Variants in ERBIN observed in about 807,000 individuals in gnomAD.
ERBIN encodes the protein densin-180-like protein.
In ERBIN, 60 loss-of-function variants were observed where a neutral mutation model predicts 158.4. The observed-to-expected ratio is 0.38, with a 90% confidence interval of 0.31 to 0.47. ERBIN has a LOEUF of 0.47. ERBIN is among the 20% of genes least tolerant of loss of function. The pLI, the probability that ERBIN is intolerant of heterozygous loss-of-function variation, is 0.99. For missense variants in ERBIN, 1,610 were observed against 1,648.0 expected, an observed-to-expected ratio of 0.98 and a Z score of 0.40; for synonymous variants, 594 against 557.2, an observed-to-expected ratio of 1.07 and a Z score of -0.93.
intron 1 of ERBIN, among the ~76,000 whole-genome samples, chr5:65,952,033 T>C (rs1333110961): frequency 6.6e-6 from 1 of 152,206 alleles, no homozygotes; most frequent in East Asian, 1.9e-4. Flanking sequence ...ATTTTCCCAA[T>C]AGAATGTAAA....
intron 1 of ERBIN, among the ~76,000 whole-genome samples, chr5:65,939,575 C>T (rs1174634590): frequency 6.6e-6 from 1 of 152,162 alleles, no homozygotes; most frequent in Non-Finnish European, 1.5e-5. Flanking sequence ...CCTCTCTTTC[C>T]ACGGTCTCCC....
At chr5:65,978,256 A>G (rs549684310) in intron 1 of ERBIN, among the ~76,000 whole-genome samples, 2 of 151,946 alleles carry the variant, frequency 1.3e-5, no homozygotes, top group South Asian at 2.1e-4. Flanking sequence ...TTCTTTCCTC[A>G]TTCTCTCCCA....
At chr5:66,071,825 A>G (rs1031579660) in intron 21 of ERBIN, among the ~76,000 whole-genome samples, 2 of 151,026 alleles carry the variant, frequency 1.3e-5, no homozygotes, top group Non-Finnish European at 2.9e-5. Context: ...ATTAATAACT[A>G]TATTTGTTGT....
chr5:66,024,472 A>G, intron 10 of ERBIN, 22 bp downstream of exon 10: 1 of 1,568,302 alleles, frequency 6.4e-7, no homozygotes, highest in Middle Eastern at 1.7e-4. Flanking sequence ...TTTCAAATTC[A>G]TGTAATTTTT....
chr5:65,953,133 C>T (rs1746716046), intron 1 of ERBIN, among the ~76,000 whole-genome samples: 2 of 152,196 alleles, frequency 1.3e-5, no homozygotes, highest in South Asian at 2.1e-4. Context: ...TTCTCCACTG[C>T]TCGTTACTAC....
intron 6 of ERBIN, 81 bp downstream of exon 6, chr5:66,013,719 A>G: frequency 1.2e-6 from 1 of 836,960 alleles, no homozygotes; most frequent in South Asian, 1.5e-5. Context: ...TGGTAGTACT[A>G]CTCATTACAG....
At chr5:65,962,416 G>T (rs7732167) in intron 1 of ERBIN, among the ~76,000 whole-genome samples, 5,837 of 152,210 alleles carry the variant, frequency 0.038, 374 homozygotes, top group African/African-American at 0.13. Context: ...TGTAATTTGG[G>T]TGTGGAATAA....
At chr5:66,002,035 A>C (rs776717309) in intron 4 of ERBIN, among the ~76,000 whole-genome samples, 4 of 151,588 alleles carry the variant, frequency 2.6e-5, no homozygotes, top group Non-Finnish European at 5.9e-5. Flanking sequence ...TGATTGTTCA[A>C]CTCCCACTTA....
rs200272396 is a variant in ERBIN, at chr5:66,075,115, G to C, written c.3848G>C (p.Arg1283Thr). 6.2e-7 allele frequency: 1 copy of C among 1,614,152 alleles called. No homozygotes were observed. The highest frequency in any genetic ancestry group is 1.3e-5 in the African/African-American group (1 of 75,026). Residue 1283 changes from arginine (R) to threonine (T), a missense_variant, in exon 23 of 26, where the codon AGG becomes ACG. Around this residue, in one of 2 missense-constraint regions of ERBIN, gnomAD observed 1,014 missense variants for 936.1 expected, o/e 1.08. Coordinates refer to ENST00000284037, the MANE Select transcript of ERBIN (RefSeq NM_001253697.2). The stretch of plus-strand genomic sequence containing the variant: ...CACCCCCCTCAGGCATCTGTGGCAA[G>C]GCATCCCTCTAGAGAACAACTAATT... ...IHHPPQASVA[R>T]HPSREQLIDY...
At chr5:66,018,472 AT>A (rs1297020705) in intron 7 of ERBIN, among the ~76,000 whole-genome samples, 1 of 4,476 alleles carries the variant, frequency 2.2e-4, no homozygotes, top group Non-Finnish European at 4.5e-4. Context: ...TATAATATAT[AT>A]TATATATTAT....
chr5:65,964,356 G>A (rs1216541188), intron 1 of ERBIN, among the ~76,000 whole-genome samples: 3 of 152,206 alleles, frequency 2.0e-5, no homozygotes, highest in African/African-American at 7.2e-5. Context: ...GCACTGACTA[G>A]TGGTTTTAAG....
intron 14 of ERBIN, among the ~76,000 whole-genome samples, chr5:66,033,259 C>T (rs1757067544): frequency 1.3e-5 from 2 of 152,126 alleles, no homozygotes; most frequent in African/African-American, 4.8e-5. Context: ...TTTGTTTCAG[C>T]CCATGATCGT....
rs141227118 is a variant in ERBIN, at chr5:66,011,521, C to G, written c.308-528C>G. ...TGACCAGCATGGTGAAACCCCGTCT[C>G]TACTGAAATACAAAAATTAGCTGGG... On this transcript the variant is annotated intron_variant, in intron 4 of 25. Coordinates refer to ENST00000284037, the MANE Select transcript of ERBIN (RefSeq NM_001253697.2). Among the ~76,000 whole-genome samples, 346 of 152,234 alleles carry G rather than the reference C, an allele frequency of 2.3e-3. 3 individuals are homozygous for G. The South Asian group carries it at 0.04, about 17-fold the overall frequency.
At chr5:65,948,762 G>T (rs1184592215) in intron 1 of ERBIN, among the ~76,000 whole-genome samples, 55 of 105,576 alleles carry the variant, frequency 5.2e-4, no homozygotes, top group South Asian at 1.7e-3. Context: ...TCTGTTTTGC[G>T]TTTTTTTTTT....
chr5:65,983,895 G>A (rs1750924554), intron 1 of ERBIN, among the ~76,000 whole-genome samples: 1 of 152,064 alleles, frequency 6.6e-6, no homozygotes, highest in African/African-American at 2.4e-5. Flanking sequence ...ACAGAGAAAG[G>A]GCCAGGTGCT....
chr5:66,048,005 A>T (rs1386583306), intron 18 of ERBIN, among the ~76,000 whole-genome samples: 2 of 151,914 alleles, frequency 1.3e-5, no homozygotes, highest in Non-Finnish European at 2.9e-5. Flanking sequence ...AGGAAGATTT[A>T]TGGCTGCCTT....
intron 1 of ERBIN, among the ~76,000 whole-genome samples, chr5:65,985,370 G>A (rs564054922): frequency 5.3e-5 from 8 of 152,208 alleles, no homozygotes; most frequent in Non-Finnish European, 1.2e-4. Flanking sequence ...GATTACAGGC[G>A]TGAGCCACCA....
At chr5:66,005,698 A>G (rs1753510028) in intron 4 of ERBIN, among the ~76,000 whole-genome samples, 1 of 152,204 alleles carries the variant, frequency 6.6e-6, no homozygotes, top group Non-Finnish European at 1.5e-5. Context: ...AACTTCAGCA[A>G]AGTCTCAGGA....
chr5:65,965,519 C>A (rs1748501206), intron 1 of ERBIN, among the ~76,000 whole-genome samples: 1 of 151,002 alleles, frequency 6.6e-6, no homozygotes, highest in Admixed American at 6.6e-5. Flanking sequence ...ATTCTCCTGT[C>A]TCAGCCTCTC....
Sources: gnomAD v4.1 joint callset for allele counts (sites outside exome capture counted in the v4.1 genomes callset) on GRCh38, gnomAD v4.1.1 for gene constraint, gnomAD v4.1.1 regional missense constraint, MANE v1.5 for transcripts, NCBI Gene and HGNC (gene_info 2026-07-23, HGNC 2026-07-21) for gene names.